The following DLGAP2 variants were observed in gnomAD, a reference collection of about 807,000 sequenced individuals.
DLGAP2 encodes the protein DLG associated protein 2, also known as disks large-associated protein 2.
Under a neutral mutation model 100.3 loss-of-function variants are expected in DLGAP2, and 26 were observed. The ratio of observed to expected loss-of-function variants is 0.26; its 90% confidence interval spans 0.19 to 0.36. The LOEUF (loss-of-function observed/expected upper bound fraction) is 0.36. Among genes scored for constraint, DLGAP2 ranks in the 10% least tolerant of loss-of-function variants. DLGAP2 has a pLI of 1.00. For synonymous variants in DLGAP2, 886 were observed against 630.1 expected (o/e 1.41, Z -6.08); for missense variants, 1,858 against 1,453.2 (o/e 1.28, Z -4.53).
At chr8:740,709 A>G (rs1820462071) in intron 1 of DLGAP2, among the ~76,000 whole-genome samples, 1 of 152,232 alleles carries the variant, frequency 6.6e-6, no homozygotes, top group Non-Finnish European at 1.5e-5. Context: ...ATCATCTTCC[A>G]TAATGTTGAA....
Position 1,479,642 on chromosome 8 carries a change from G to GTCATTCATTTCTGTGTCCTTTA in DLGAP2, c.107-21717_107-21696dup, listed in dbSNP as rs1392238874. ...AGAGTTTGCTCTTTCATTTCGGTGA[G>GTCATTCATTTCTGTGTCCTTTA]TCATTCATTTCTGTGTCCTTTATCA... On this transcript the variant is annotated intron_variant, in intron 3 of 14. Coordinates refer to ENST00000637795, the MANE Select transcript of DLGAP2 (RefSeq NM_001346810.2). 1.6e-4 allele frequency among the ~76,000 whole-genome samples: 24 copies of GTCATTCATTTCTGTGTCCTTTA among 152,224 alleles called. No homozygotes were observed. The East Asian group carries it at 4.6e-3, about 29-fold the overall frequency.
At chr8:1,298,817 G>T (rs770209493) in intron 3 of DLGAP2, among the ~76,000 whole-genome samples, 1 of 152,210 alleles carries the variant, frequency 6.6e-6, no homozygotes, top group Admixed American at 6.5e-5. Flanking sequence ...AACGCTGGCC[G>T]TGGCAGCTCA....
chr8:844,865 A>T (rs1797045316), intron 1 of DLGAP2, among the ~76,000 whole-genome samples: 1 of 152,002 alleles, frequency 6.6e-6, no homozygotes, highest in African/African-American at 2.4e-5. Flanking sequence ...CCTGGCCACC[A>T]CAAATCCACT....
intron 2 of DLGAP2, among the ~76,000 whole-genome samples, chr8:1,242,107 C>G (rs4976861): frequency 0.86 from 131,426 of 152,198 alleles, 56,877 homozygotes; most frequent in Middle Eastern, 0.94. Context: ...TACCTAAAGG[C>G]ACCATGGCAG....
At chr8:1,351,439 C>A (rs1297330908) in intron 3 of DLGAP2, among the ~76,000 whole-genome samples, 4 of 36,648 alleles carry the variant, frequency 1.1e-4, no homozygotes, top group Non-Finnish European at 1.6e-4. Flanking sequence ...TGTGGAAAGG[C>A]CGTGTGGGTC....
chr8:1,193,197 A>G (rs2116734728), intron 2 of DLGAP2, among the ~76,000 whole-genome samples: 1 of 152,202 alleles, frequency 6.6e-6, no homozygotes, highest in African/African-American at 2.4e-5. Context: ...CGGTAATGGG[A>G]TTGCTGGGTC....
intron 2 of DLGAP2, among the ~76,000 whole-genome samples, chr8:950,205 T>C (rs982453856): frequency 1.3e-4 from 20 of 152,194 alleles, no homozygotes; most frequent in Non-Finnish European, 2.9e-5. Flanking sequence ...GAAGTTAATT[T>C]TGTGATCTCA....
intron 2 of DLGAP2, among the ~76,000 whole-genome samples, chr8:919,445 T>TC (rs1463497367): frequency 1.3e-5 from 2 of 151,640 alleles, no homozygotes; most frequent in Non-Finnish European, 2.9e-5. Flanking sequence ...AGTCTGTGAG[T>TC]CCCCCCTGCT....
intron 2 of DLGAP2, among the ~76,000 whole-genome samples, chr8:1,216,892 AT>A (rs1798224128): frequency 6.6e-6 from 1 of 152,196 alleles, no homozygotes; most frequent in Non-Finnish European, 1.5e-5. Flanking sequence ...GAGGTGTTTA[AT>A]CCCCACACAG....
At chr8:1,166,244 T>G (rs2116664755) in intron 2 of DLGAP2, among the ~76,000 whole-genome samples, 1 of 152,336 alleles carries the variant, frequency 6.6e-6, no homozygotes, top group African/African-American at 2.4e-5. Flanking sequence ...TCCTGCTGCC[T>G]TCCTGAGTCA....
Position 1,177,569 on chromosome 8 carries a change from C to T in DLGAP2, c.74-81282C>T, listed in dbSNP as rs117908380. 6.2e-3 allele frequency among the ~76,000 whole-genome samples: 942 copies of T among 152,286 alleles called. 2 individuals carry two copies. Among genetic ancestry groups the T allele is most frequent in the Non-Finnish European group, 0.011 (726 of 68,016 alleles). ...TGTTTGTGTCTTTACTCTTAGATGA[C>T]TTTTATTTCATTACATTTCAACCTC... On this transcript the variant is annotated intron_variant, in intron 2 of 14. Transcript: ENST00000637795.
intron 2 of DLGAP2, among the ~76,000 whole-genome samples, chr8:954,212 A>G (rs1017977700): frequency 2.0e-4 from 30 of 152,152 alleles, no homozygotes; most frequent in African/African-American, 7.0e-4. Flanking sequence ...GTGTAGTGAG[A>G]AAATTCGAGA....
chr8:1,120,931 G>T (rs1796026918), intron 2 of DLGAP2, among the ~76,000 whole-genome samples: 1 of 148,802 alleles, frequency 6.7e-6, no homozygotes, highest in Non-Finnish European at 1.5e-5. Context: ...TAGAACCCAT[G>T]ACCTGCCATC....
chr8:1,038,484 A>G (rs1802198312), intron 2 of DLGAP2, among the ~76,000 whole-genome samples: 1 of 152,216 alleles, frequency 6.6e-6, no homozygotes. Context: ...TCTGTTCAGT[A>G]CTGAATTGGA....
intron 2 of DLGAP2, among the ~76,000 whole-genome samples, chr8:921,405 A>G (rs141541935): frequency 9.2e-5 from 14 of 152,158 alleles, no homozygotes; most frequent in Non-Finnish European, 1.6e-4. Context: ...ATGTGCGTCT[A>G]TGGCCATTTC....
At chr8:868,114 A>AT (rs1669308500) in intron 1 of DLGAP2, among the ~76,000 whole-genome samples, 3 of 152,280 alleles carry the variant, frequency 2.0e-5, no homozygotes, top group Admixed American at 1.3e-4. Flanking sequence ...ATGATGTTGC[A>AT]TTTTTTCTTT....
At chr8:1,220,853 A>C (rs970189915) in intron 2 of DLGAP2, among the ~76,000 whole-genome samples, 3 of 148,852 alleles carry the variant, frequency 2.0e-5, no homozygotes, top group African/African-American at 7.3e-5. Context: ...ATCATTATGT[A>C]ATGCCTTTTT....
At chr8:1,532,257 C>T (rs551146820) in intron 4 of DLGAP2, among the ~76,000 whole-genome samples, 94 of 152,236 alleles carry the variant, frequency 6.2e-4, no homozygotes, top group African/African-American at 1.4e-3. Context: ...GGTCCTGGAA[C>T]GCACTCTTTG....
At chr8:1,176,248 G>T (rs777436193) in intron 2 of DLGAP2, among the ~76,000 whole-genome samples, 1 of 152,154 alleles carries the variant, frequency 6.6e-6, no homozygotes, top group African/African-American at 2.4e-5. Context: ...ATCAGACCTC[G>T]TGAGAATTCC....
Sources: allele counts gnomAD v4.1 joint callset (sites outside exome capture counted in the v4.1 genomes callset), GRCh38; gene constraint gnomAD v4.1.1; transcripts MANE v1.5; gene names NCBI Gene and HGNC (gene_info 2026-07-23, HGNC 2026-07-21).